The following ZNF181 variants were observed in gnomAD, a reference collection of about 807,000 sequenced individuals.
ZNF181 encodes the protein zinc finger protein 181, also known as zinc finger protein 181 (HHZ181).
Under a neutral mutation model 11.9 loss-of-function variants are expected in ZNF181, and 8 were observed. That is an observed-to-expected ratio of 0.67 (90% confidence interval 0.39 to 1.21). The LOEUF (loss-of-function observed/expected upper bound fraction) is 1.21, where lower values mean the gene tolerates loss of function less well. ZNF181 is among the 50% of genes most tolerant of loss of function. ZNF181 has a pLI of 0.01. For synonymous variants in ZNF181, 202 were observed against 221.1 expected (o/e 0.91, Z 0.77); for missense variants, 542 against 670.9 (o/e 0.81, Z 2.12).
At position 34,739,599 on chromosome 19, in the gene ZNF181, A is replaced by C; in HGVS notation, c.207A>C (p.Lys69Asn). Residue 69 changes from lysine to asparagine, a missense_variant, in exon 3 of 4, where the codon AAA (lysine) becomes AAC (asparagine). Lys to Asn is a moderately conservative substitution (Grantham distance 94, BLOSUM62 0). Coordinates refer to ENST00000492450, the MANE Select transcript of ZNF181 (RefSeq NM_001029997.4). ...DGKEPWMMEK[K>N]LSKGMIPDWE... ...AAGAGCCCTGGATGATGGAGAAAAA[A>C]CTGTCAAAAGGTATGATTCCAGGTG... The C allele has an allele frequency of 1.2e-6, 2 of 1,614,056 alleles. No homozygotes were observed. The highest frequency in any genetic ancestry group is 1.7e-6 in the Non-Finnish European group (2 of 1,179,966).
rs751511321 is a variant in ZNF181, at chr19:34,741,647, G to A, written c.1266G>A (p.Gln422=). The A allele has an allele frequency of 3.3e-5, 54 of 1,613,634 alleles. No homozygotes were observed. The Admixed American group carries it at 8.5e-4, about 25-fold the overall frequency. ...TTAGTAGCCTCTCATTTCTTGTTCAGCATCAGAGTATTCATACTGAAGAAA... is the reference window on the plus strand; with the variant it reads ...TTAGTAGCCTCTCATTTCTTGTTCAACATCAGAGTATTCATACTGAAGAAA... ...KVFSSLSFLV[Q]HQSIHTEEKP... is the part of the protein sequence containing the mutation. Residue 422 remains glutamine (Q), a synonymous_variant, in exon 4 of 4, where the codon CAG becomes CAA. Transcript: ENST00000492450.
At position 34,737,738 on chromosome 19, in the gene ZNF181, G is replaced by C. The variant is rs540824210; in HGVS notation, c.10-1410G>C. ...CAGTTTTTCCACAGAAGCAGGAGGT[G>C]GTGGTTTGGGGGTGAAACTGTTTCA... is the stretch of plus-strand genomic sequence containing the variant. On this transcript the variant is annotated intron_variant, in intron 1 of 3. Coordinates refer to ENST00000492450, the MANE Select transcript of ZNF181 (RefSeq NM_001029997.4). 2.6e-5 allele frequency among the ~76,000 whole-genome samples: 4 copies of C among 152,312 alleles called. No homozygotes were observed. In the South Asian group the frequency reaches 8.3e-4, roughly 32 times the overall value.
At chr19:34,737,120 C>T (rs1232854415) in intron 1 of ZNF181, among the ~76,000 whole-genome samples, 1 of 152,190 alleles carries the variant, frequency 6.6e-6, no homozygotes. Flanking sequence ...GAGATTTCTT[C>T]CTGTCCTTTT....
chr19:34,740,542 A>T (rs1266961840), intron 3 of ZNF181, 69 bp from the exon 4 acceptor site: 1 of 1,450,728 alleles, frequency 6.9e-7, no homozygotes, highest in Admixed American at 2.3e-5. Flanking sequence ...CCTAATTCCA[A>T]TTTAGAAGTT....
Position 34,734,853 on chromosome 19 carries a change from A to AGATTGGCGCCCTGGAGAGT in ZNF181, c.-180_-162dup. On this transcript the variant is annotated 5_prime_UTR_variant, in exon 1 of 4. Transcript: ENST00000492450. The stretch of plus-strand genomic sequence containing the variant: ...AAACACCCTGTTAGTTCCCAGGGAG[A>AGATTGGCGCCCTGGAGAGT]GATTGGCGCCCTGGAGAGTGATTAC... The AGATTGGCGCCCTGGAGAGT allele has an allele frequency of 1.7e-6, 1 of 587,866 alleles. No individual in the cohort carries two copies. The highest frequency in any genetic ancestry group is 2.9e-5 in the East Asian group (1 of 34,458). 36.4% of individuals were successfully genotyped at this position (587,866 alleles called of 1,614,324 possible).
rs1350206291 is a variant in ZNF181 at position 34,743,946 on chromosome 19, A to G, written c.*1849A>G. On this transcript the variant is annotated 3_prime_UTR_variant, in exon 4 of 4. Coordinates refer to ENST00000492450, the MANE Select transcript of ZNF181 (RefSeq NM_001029997.4). Reference sequence around the variant, plus strand: ...TCACTGGCCCTGTGATTAGAATCCTATCTTGTGATTAGAAAGGTAATGCAG... The same window carrying G: ...TCACTGGCCCTGTGATTAGAATCCTGTCTTGTGATTAGAAAGGTAATGCAG... 3.3e-5 allele frequency: 5 copies of G among 152,198 alleles called. No individual in the cohort carries two copies. The highest frequency in any genetic ancestry group is 2.1e-4 in the South Asian group (1 of 4,832). 9.4% of individuals were successfully genotyped at this position (152,198 alleles called of 1,614,324 possible).
chr19:34,742,474 A>G lies in ZNF181; in HGVS notation c.*377A>G, dbSNP rs1482518103. 1.9e-5 allele frequency: 3 copies of G among 157,814 alleles called. No individual in the cohort carries two copies. Among genetic ancestry groups the G allele is most frequent in the Non-Finnish European group, 4.2e-5 (3 of 71,654 alleles). 9.8% of individuals were successfully genotyped at this position (157,814 alleles called of 1,614,324 possible). A position where few individuals can be genotyped will look rare whatever the true frequency, so the allele number is the denominator to read the frequency against. On this transcript the variant is annotated 3_prime_UTR_variant, in exon 4 of 4. Transcript: ENST00000492450. ...CAGTTCCAAGTATATCCCTTATTCTACAGCAGAGAACTCAAAATGGAGAGA... is the reference window on the plus strand; with the variant it reads ...CAGTTCCAAGTATATCCCTTATTCTGCAGCAGAGAACTCAAAATGGAGAGA...
In ZNF181 at chr19:34,742,684, A is replaced by G. The variant is rs531603067; in HGVS notation, c.*587A>G. On this transcript the variant is annotated 3_prime_UTR_variant, in exon 4 of 4. Transcript: ENST00000492450. Reference sequence around the variant, plus strand: ...CATTATAATAAAATATGCATTTCTTAGAGCAGTAGCTTGCAGTTTCAGTTG... The same window carrying G: ...CATTATAATAAAATATGCATTTCTTGGAGCAGTAGCTTGCAGTTTCAGTTG... The G allele has an allele frequency of 6.6e-6, 1 of 152,378 alleles. No individual in the cohort carries two copies. The highest frequency in any genetic ancestry group is 2.4e-5 in the African/African-American group (1 of 41,596). 9.4% of individuals were successfully genotyped at this position (152,378 alleles called of 1,614,324 possible). A position where few individuals can be genotyped will look rare whatever the true frequency, so the allele number is the denominator to read the frequency against.
Position 34,742,155 on chromosome 19 carries a change from T to G in ZNF181, c.*58T>G, listed in dbSNP as rs1158890367. 1 of 1,482,410 alleles carries G rather than the reference T, an allele frequency of 6.7e-7. No individual in the cohort carries two copies. The highest frequency in any genetic ancestry group is 9.0e-7 in the Non-Finnish European group (1 of 1,110,384). The allele number at this position is 1,482,410 out of a possible 1,614,324, so 91.8% of individuals were successfully genotyped here. A position where few individuals can be genotyped will look rare whatever the true frequency, so the allele number is the denominator to read the frequency against. ...CTCCCTTATTTAACATTAGAAAAAT[T>G]TATACTGGGGAAAGTCTTATGAATG... is the stretch of plus-strand genomic sequence containing the variant. On this transcript the variant is annotated 3_prime_UTR_variant, in exon 4 of 4. Transcript: ENST00000492450.
At position 34,739,280 on chromosome 19, in the gene ZNF181, A is replaced by AC. The variant is rs751225248; in HGVS notation, c.130+16dup. The AC allele has an allele frequency of 6.2e-5, 100 of 1,613,360 alleles. No individual in the cohort carries two copies. Among genetic ancestry groups the AC allele is most frequent in the Non-Finnish European group, 8.1e-5 (96 of 1,179,578 alleles). On this transcript the variant is annotated intron_variant, in intron 2 of 3. Coordinates refer to ENST00000492450, the MANE Select transcript of ZNF181 (RefSeq NM_001029997.4). ...CCTGGTCTCTGTAGGTAAGGATATT[A>AC]CCCCTTCCACTCCAGTAGGGGACAC...
chr19:34,740,533 C>T, intron 3 of ZNF181, 78 bp from the exon 4 acceptor site: 2 of 1,405,802 alleles, frequency 1.4e-6, no homozygotes, highest in African/African-American at 1.4e-5. Context: ...TCCAGTTCTC[C>T]TAATTCCAAT....
rs374648506 is a variant in ZNF181 at position 34,739,505 on chromosome 19, C to A, written c.131-18C>A. 16 of 1,613,688 alleles carry A rather than the reference C, an allele frequency of 9.9e-6. No homozygotes were observed. In the African/African-American group the frequency reaches 2.0e-4, roughly 20 times the overall value. ...ATAGAGGACCACGGCTTAAACAATTCTGTATTCTTCCTGTAAGCAGGTCTT... is the reference window on the plus strand; with the variant it reads ...ATAGAGGACCACGGCTTAAACAATTATGTATTCTTCCTGTAAGCAGGTCTT... On this transcript the variant is annotated intron_variant, in intron 2 of 3. Coordinates refer to ENST00000492450, the MANE Select transcript of ZNF181 (RefSeq NM_001029997.4).
chr19:34,738,082 A>G (rs1360963176), intron 1 of ZNF181, among the ~76,000 whole-genome samples: 3 of 152,160 alleles, frequency 2.0e-5, no homozygotes, highest in African/African-American at 4.8e-5. Context: ...ATAATTGTCT[A>G]TCAGTACAAA....
chr19:34,739,689 T>G (rs561396987), intron 3 of ZNF181, 68 bp downstream of exon 3: 2 of 1,543,584 alleles, frequency 1.3e-6, no homozygotes, highest in South Asian at 2.3e-5. Context: ...TATAGTGAGT[T>G]TATAGTGAGT....
chr19:34,742,620 T>A lies in ZNF181; in HGVS notation c.*523T>A, dbSNP rs188850235. ...AGTTATGTGTAAATCTTTGCAGTCA[T>A]GCTATTTGTAAACTGGATTCTACAG... On this transcript the variant is annotated 3_prime_UTR_variant, in exon 4 of 4. Coordinates refer to ENST00000492450, the MANE Select transcript of ZNF181 (RefSeq NM_001029997.4). The A allele has an allele frequency of 6.6e-6, 1 of 152,278 alleles. No individual in the cohort carries two copies. Among genetic ancestry groups the A allele is most frequent in the Non-Finnish European group, 1.5e-5 (1 of 68,066 alleles). The allele number at this position is 152,278 out of a possible 1,614,324, so 9.4% of individuals were successfully genotyped here. A position where few individuals can be genotyped will look rare whatever the true frequency, so the allele number is the denominator to read the frequency against.
intron 1 of ZNF181, among the ~76,000 whole-genome samples, chr19:34,736,683 A>G (rs1261989062): frequency 6.6e-6 from 1 of 152,034 alleles, no homozygotes; most frequent in African/African-American, 2.4e-5. Flanking sequence ...ACTGAATTTT[A>G]AACTTTACTT....
chr19:34,744,492 A>G lies in ZNF181; in HGVS notation c.*2395A>G, dbSNP rs1435494066. The G allele has an allele frequency of 6.6e-6, 1 of 151,832 alleles. No individual in the cohort carries two copies. Among genetic ancestry groups the G allele is most frequent in the Non-Finnish European group, 1.5e-5 (1 of 67,988 alleles). 9.4% of individuals were successfully genotyped at this position (151,832 alleles called of 1,614,324 possible). On this transcript the variant is annotated 3_prime_UTR_variant, in exon 4 of 4. Coordinates refer to ENST00000492450, the MANE Select transcript of ZNF181 (RefSeq NM_001029997.4). ...CCTGGGCAATATAGCAAAACTCATT[A>G]GTCTGTTAAAAAAAAAAATTACCCA...
intron 1 of ZNF181, among the ~76,000 whole-genome samples, chr19:34,735,916 C>T (rs998111759): frequency 2.0e-5 from 3 of 152,214 alleles, no homozygotes; most frequent in African/African-American, 7.2e-5. Context: ...TCGCAGTCAC[C>T]TTCCCTCGCC....
chr19:34,741,431 G>T lies in ZNF181; in HGVS notation c.1050G>T (p.Glu350Asp). Residue 350 changes from glutamate to aspartate, a missense_variant, in exon 4 of 4, where the codon GAG (glutamate) becomes GAT (aspartate). Coordinates refer to ENST00000492450, the MANE Select transcript of ZNF181 (RefSeq NM_001029997.4). The part of the protein sequence containing the change: ...LRIHTQEKLY[E>D]CRICGKAFIH... The stretch of plus-strand genomic sequence containing the variant: ...TTCATACTCAAGAAAAACTCTATGA[G>T]TGTCGTATATGTGGAAAGGCCTTCA... 1 of 1,613,876 alleles carries T rather than the reference G, an allele frequency of 6.2e-7. No homozygotes were observed. Among genetic ancestry groups the T allele is most frequent in the Non-Finnish European group, 8.5e-7 (1 of 1,179,902 alleles).
Sources: gnomAD v4.1 joint callset for allele counts (sites outside exome capture counted in the v4.1 genomes callset) on GRCh38, gnomAD v4.1.1 for gene constraint, MANE v1.5 for transcripts, NCBI Gene and HGNC (gene_info 2026-07-23, HGNC 2026-07-21) for gene names.